Variants in TUBA4B observed in about 807,000 individuals in gnomAD.
TUBA4B encodes the protein tubulin alpha 4b.
TUBA4B carries 13 observed loss-of-function variants against 18.4 expected under a neutral mutation model. The ratio of observed to expected loss-of-function variants is 0.71; its 90% CI spans 0.46 to 1.12. The LOEUF is 1.12. TUBA4B is among the 50% of genes most tolerant of loss of function. The pLI, the probability that TUBA4B is intolerant of heterozygous loss-of-function variation, is 0.00. For synonymous variants in TUBA4B, 101 were observed against 99.1 expected, an observed-to-expected ratio of 1.02 and a Z score of -0.11; for missense variants, 244 against 250.0, an observed-to-expected ratio of 0.98 and a Z score of 0.16.
intron 2 of TUBA4B, among the ~76,000 whole-genome samples, chr2:219,268,621 A>G (rs1398592750): frequency 1.3e-5 from 2 of 152,210 alleles, no homozygotes; most frequent in Non-Finnish European, 1.5e-5. Context: ...GCTCAAGACA[A>G]GTAGAGAAGT....
chr2:219,256,833 A>C (rs535937862), intron 1 of TUBA4B, among the ~76,000 whole-genome samples: 1 of 152,212 alleles, frequency 6.6e-6, no homozygotes, highest in Admixed American at 6.5e-5. Context: ...ACCAAAAAAT[A>C]AAAATTATAA....
intron 1 of TUBA4B, among the ~76,000 whole-genome samples, chr2:219,262,288 C>T (rs1951764517): frequency 1.3e-5 from 2 of 152,226 alleles, no homozygotes; most frequent in Admixed American, 1.3e-4. Context: ...TCCATCCAGC[C>T]TGGGCGACAG....
intron 2 of TUBA4B, among the ~76,000 whole-genome samples, chr2:219,268,105 C>CTT (rs544596055): frequency 0.054 from 6,373 of 118,548 alleles, 722 homozygotes; most frequent in East Asian, 0.47. Context: ...AACTCATTAT[C>CTT]TTTTTTTTTT....
intron 1 of TUBA4B, among the ~76,000 whole-genome samples, chr2:219,257,107 G>C (rs932863705): frequency 6.8e-6 from 1 of 146,264 alleles, no homozygotes; most frequent in Non-Finnish European, 1.5e-5. Flanking sequence ...ACAGTGGCGC[G>C]ATCTCGGCTC....
At chr2:219,257,853 T>C (rs74505456) in intron 1 of TUBA4B, among the ~76,000 whole-genome samples, 6,519 of 151,456 alleles carry the variant, frequency 0.043, 269 homozygotes, top group East Asian at 0.11. Context: ...TATATATATA[T>C]ATTTTATAGA....
intron 1 of TUBA4B, among the ~76,000 whole-genome samples, chr2:219,259,453 C>T (rs894699728): frequency 1.7e-4 from 26 of 151,972 alleles, no homozygotes; most frequent in African/African-American, 6.0e-4. Context: ...GAATTAGGGC[C>T]ATAAACTCTG....
At chr2:219,263,937 T>C (rs1444422307) in intron 1 of TUBA4B, among the ~76,000 whole-genome samples, 1 of 152,228 alleles carries the variant, frequency 6.6e-6, no homozygotes, top group Non-Finnish European at 1.5e-5. Flanking sequence ...GGTTGCTAAA[T>C]AAAATACTTT....
chr2:219,253,483 A>G (rs1951683047), intron 1 of TUBA4B, 64 bp downstream of exon 1: 3 of 1,318,398 alleles, frequency 2.3e-6, no homozygotes, highest in African/African-American at 2.9e-5. Flanking sequence ...AGGACCAGGG[A>G]CTGGGGATGT....
intron 1 of TUBA4B, chr2:219,254,595 G>A (rs1951701328): frequency 6.6e-6 from 1 of 152,220 alleles, no homozygotes; most frequent in South Asian, 2.1e-4. Context: ...CCGCGGGTCA[G>A]TGGCGCTGTC....
intron 1 of TUBA4B, 59 bp downstream of exon 1, chr2:219,253,478 C>G (rs1951682974): frequency 7.4e-7 from 1 of 1,342,456 alleles, no homozygotes; most frequent in Admixed American, 2.0e-5. Context: ...TGCTGAGGAC[C>G]AGGGACTGGG....
Position 219,271,603 on chromosome 2 carries a change from T to G in TUBA4B, c.630T>G (p.Pro210=). 6.2e-7 allele frequency: 1 copy of G among 1,614,134 alleles called. No individual in the cohort carries two copies. The highest frequency in any genetic ancestry group is 1.1e-5 in the South Asian group (1 of 91,074). The change falls in exon 4 of 4, where the codon CCT becomes CCG. Residue 210 remains proline (P), a synonymous_variant. Coordinates refer to ENST00000490341, the MANE Select transcript of TUBA4B (RefSeq NM_001355221.1). ...SYLTSTSPWP[P]MHQSSLQKRY... Reference sequence around the variant, plus strand: ...TCACATCCACTTCCCCCTGGCCACCTATGCACCAGTCATCTCTGCAGAAAA... The same window carrying G: ...TCACATCCACTTCCCCCTGGCCACCGATGCACCAGTCATCTCTGCAGAAAA...
At chr2:219,263,993 T>C (rs895686862) in intron 1 of TUBA4B, among the ~76,000 whole-genome samples, 1 of 152,248 alleles carries the variant, frequency 6.6e-6, no homozygotes, top group African/African-American at 2.4e-5. Flanking sequence ...GGCTGCTATC[T>C]GGAAGAGGGA....
At position 219,270,332 on chromosome 2, in the gene TUBA4B, G is replaced by A. The variant is rs1001569636; in HGVS notation, c.189G>A (p.Lys63=). ...ACCTGCTACTGGACCGGATTCGGAA[G>A]CTGGTGAGGAAAGGACTGAGGGCTG... ...FIDLLLDRIR[K]LADQCTGLQG... is the part of the protein sequence containing the mutation. The change falls in exon 3 of 4, where the codon AAG becomes AAA. Residue 63 remains lysine, a synonymous_variant. Transcript: ENST00000490341. 1.4e-6 allele frequency: 1 copy of A among 730,738 alleles called. No homozygotes were observed. Among genetic ancestry groups the A allele is most frequent in the Non-Finnish European group, 2.5e-6 (1 of 397,178 alleles). 45.3% of individuals were successfully genotyped at this position (730,738 alleles called of 1,614,324 possible). A position where few individuals can be genotyped will look rare whatever the true frequency, so the allele number is the denominator to read the frequency against.
At chr2:219,258,094 A>G (rs2125074090) in intron 1 of TUBA4B, among the ~76,000 whole-genome samples, 1 of 150,716 alleles carries the variant, frequency 6.6e-6, no homozygotes, top group Admixed American at 6.6e-5. Flanking sequence ...ACCAGGTTCA[A>G]GCGATTCTGC....
At chr2:219,257,983 G>GTTTTTTT (rs1025891775) in intron 1 of TUBA4B, among the ~76,000 whole-genome samples, 1 of 94,168 alleles carries the variant, frequency 1.1e-5, no homozygotes, top group Non-Finnish European at 2.0e-5. Context: ...CATTTTGGGT[G>GTTTTTTT]TTTTTTTTTT....
Position 219,272,188 on chromosome 2 carries a change from T to C in TUBA4B, c.*489T>C. 6.4e-6 allele frequency: 3 copies of C among 471,092 alleles called. No individual in the cohort carries two copies. In the South Asian group the frequency reaches 6.5e-5, roughly 10 times the overall value. 29.2% of individuals were successfully genotyped at this position (471,092 alleles called of 1,614,324 possible). A position where few individuals can be genotyped will look rare whatever the true frequency, so the allele number is the denominator to read the frequency against. The stretch of plus-strand genomic sequence containing the variant: ...TGTCCTACATAAAGTGCTGTGGCCT[T>C]ATTGTCTCACGAATGTCTTTTTCTC... On this transcript the variant is annotated 3_prime_UTR_variant, in exon 4 of 4. Coordinates refer to ENST00000490341, the MANE Select transcript of TUBA4B (RefSeq NM_001355221.1).
chr2:219,263,477 C>CA (rs1258750458), intron 1 of TUBA4B, among the ~76,000 whole-genome samples: 1 of 152,210 alleles, frequency 6.6e-6, no homozygotes, highest in Non-Finnish European at 1.5e-5. Context: ...TTCTGCTTTA[C>CA]ATAAGACAGC....
chr2:219,271,808 G>A lies in TUBA4B; in HGVS notation c.*109G>A. 1.9e-6 allele frequency: 3 copies of A among 1,602,078 alleles called. No homozygotes were observed. Among genetic ancestry groups the A allele is most frequent in the Non-Finnish European group, 2.6e-6 (3 of 1,168,990 alleles). On this transcript the variant is annotated 3_prime_UTR_variant, in exon 4 of 4. Transcript: ENST00000490341. The stretch of plus-strand genomic sequence containing the variant: ...ATTGCTGCCATCAAGACCAAGTGCA[G>A]CATTCAGTTTGTGGACTGGTGCCCC...
rs550063407 is a variant in TUBA4B at position 219,269,004 on chromosome 2, G to A, written c.59-1198G>A. On this transcript the variant is annotated intron_variant, in intron 2 of 3. Coordinates refer to ENST00000490341, the MANE Select transcript of TUBA4B (RefSeq NM_001355221.1). Reference sequence around the variant, plus strand: ...CCAGCTACTCGGGAGGCTGAGACAGGAGGATCCCTTGAGCCCAGGAGTCCA... The same window carrying A: ...CCAGCTACTCGGGAGGCTGAGACAGAAGGATCCCTTGAGCCCAGGAGTCCA... 1.4e-4 allele frequency among the ~76,000 whole-genome samples: 22 copies of A among 152,300 alleles called. No homozygotes were observed. In the East Asian group the frequency reaches 4.2e-3, roughly 29 times the overall value.
Sources: allele counts gnomAD v4.1 joint callset (sites outside exome capture counted in the v4.1 genomes callset), GRCh38; gene constraint gnomAD v4.1.1; transcripts MANE v1.5; gene names NCBI Gene and HGNC (gene_info 2026-07-23, HGNC 2026-07-21).